P4HA2: variants seen among roughly 807,000 people sequenced by gnomAD.
P4HA2 encodes prolyl 4-hydroxylase subunit alpha 2, also known as prolyl 4-hydroxylase subunit alpha-2.
P4HA2 carries 46 observed loss-of-function variants against 76.9 expected under a neutral mutation model. The ratio of observed to expected loss-of-function variants is 0.60; its 90% CI spans 0.47 to 0.76. The LOEUF (loss-of-function observed/expected upper bound fraction) is 0.76. Ranked by LOEUF, P4HA2 falls within the 30% of genes least tolerant of loss-of-function variation. The pLI, the probability that P4HA2 is intolerant of heterozygous loss-of-function variation, is 0.00. For synonymous variants in P4HA2, 243 were observed against 254.0 expected (o/e 0.96, Z 0.41); for missense variants, 583 against 669.4 (o/e 0.87, Z 1.42).
intron 8 of P4HA2, 127 bp downstream of exon 8, chr5:132,207,581 C>A (rs1013909183): frequency 2.8e-6 from 2 of 716,072 alleles, no homozygotes; most frequent in Non-Finnish European, 4.7e-6. Flanking sequence ...TGTATCCCCA[C>A]GGTAGGCCCA....
chr5:132,220,330 C>T lies in P4HA2; in HGVS notation c.-18-1686G>A, dbSNP rs140033060. The stretch of plus-strand genomic sequence containing the variant: ...TGTTCCTCAAAAGGCTTGACTGGCT[C>T]AGGCTCAGCACCTTCTGTATGTATG... On this transcript the variant is annotated intron_variant, in intron 1 of 14. Transcript: ENST00000360568. Among the ~76,000 whole-genome samples the T allele has an allele frequency of 3.1e-3, 468 of 152,356 alleles. 1 individual carries two copies. The highest frequency in any genetic ancestry group is 0.01 in the African/African-American group (419 of 41,576).
At chr5:132,207,195 A>G (rs1752321960) in intron 8 of P4HA2, among the ~76,000 whole-genome samples, 1 of 152,240 alleles carries the variant, frequency 6.6e-6, no homozygotes, top group Admixed American at 6.5e-5. Context: ...TAACAAAGAA[A>G]CTACCAAGGA....
chr5:132,192,118 A>G lies in P4HA2; in HGVS notation c.*892T>C, dbSNP rs1749972542. 6.6e-6 allele frequency: 1 copy of G among 152,246 alleles called. No homozygotes were observed. The highest frequency in any genetic ancestry group is 1.5e-5 in the Non-Finnish European group (1 of 68,034). 9.4% of individuals were successfully genotyped at this position (152,246 alleles called of 1,614,324 possible). A position where few individuals can be genotyped will look rare whatever the true frequency, so the allele number is the denominator to read the frequency against. ...TAAAACTATAAAGACAAGCAAAGGAATGAGTACCACACATCATGAGACAAT... is the reference window on the plus strand; with the variant it reads ...TAAAACTATAAAGACAAGCAAAGGAGTGAGTACCACACATCATGAGACAAT... On this transcript the variant is annotated 3_prime_UTR_variant, in exon 15 of 15. Coordinates refer to ENST00000360568, the MANE Select transcript of P4HA2 (RefSeq NM_001017974.2).
chr5:132,208,350 GA>G, intron 7 of P4HA2, among the ~76,000 whole-genome samples: 1 of 107,680 alleles, frequency 9.3e-6, no homozygotes, highest in African/African-American at 3.6e-5. Context: ...AGGAAGAAAG[GA>G]AGGGAGGGAG....
intron 1 of P4HA2, among the ~76,000 whole-genome samples, chr5:132,224,309 T>C (rs1413490238): frequency 6.6e-6 from 1 of 152,246 alleles, no homozygotes; most frequent in Non-Finnish European, 1.5e-5. Context: ...AGTTTCCCCA[T>C]GTATATAATA....
At chr5:132,204,235 C>A in intron 8 of P4HA2, 83 bp from the exon 9 acceptor site, 7 of 1,072,370 alleles carry the variant, frequency 6.5e-6, no homozygotes, top group African/African-American at 1.5e-5. Context: ...GCACTGGGAC[C>A]AGATTTACTG....
chr5:132,195,353 T>C (rs1328868667), intron 13 of P4HA2, 59 bp downstream of exon 13: 5 of 1,260,170 alleles, frequency 4.0e-6, no homozygotes, highest in Non-Finnish European at 5.8e-6. Context: ...CTGGGGGACA[T>C]GGACAAAGTA....
At chr5:132,196,726 T>C (rs1023750006) in intron 12 of P4HA2, among the ~76,000 whole-genome samples, 5 of 152,008 alleles carry the variant, frequency 3.3e-5, no homozygotes, top group Non-Finnish European at 7.4e-5. Context: ...CTGGGCATGG[T>C]GGTGCACGCC....
intron 1 of P4HA2, among the ~76,000 whole-genome samples, chr5:132,223,626 A>G (rs1482167536): frequency 6.6e-6 from 1 of 152,220 alleles, no homozygotes; most frequent in Non-Finnish European, 1.5e-5. Flanking sequence ...TAAAGCATTA[A>G]GTACTTAAGC....
chr5:132,198,929 C>T lies in P4HA2; in HGVS notation c.1255G>A (p.Ala419Thr). The change falls in exon 11 of 15, where the codon GCA becomes ACA. Residue 419 changes from alanine to threonine, a missense_variant. Physicochemically the swap from Ala to Thr is moderately conservative, Grantham distance 58. Coordinates refer to ENST00000360568, the MANE Select transcript of P4HA2 (RefSeq NM_001017974.2). ...TACTGTCCTCCCACTCCATAATTTG[C>T]AACCTGTGGGAAATAACAGCATTAG... The part of the protein sequence containing the change: ...TVKTAELLQV[A>T]NYGVGGQYEP... The T allele has an allele frequency of 6.2e-7, 1 of 1,609,388 alleles. No individual in the cohort carries two copies. Among genetic ancestry groups the T allele is most frequent in the Non-Finnish European group, 8.5e-7 (1 of 1,175,666 alleles).
At chr5:132,216,466 T>C (rs1237102484) in intron 4 of P4HA2, among the ~76,000 whole-genome samples, 3 of 152,146 alleles carry the variant, frequency 2.0e-5, no homozygotes, top group African/African-American at 7.2e-5. Flanking sequence ...TCCAATGACT[T>C]GACCCATTTG....
chr5:132,225,671 G>A lies in P4HA2; in HGVS notation c.-19+2119C>T, dbSNP rs62384127. ...CGTCCCTCATTCTAGCCCCAGGCAC[G>A]CTCCAGTCAGAAGCCAAACAGGCAG... On this transcript the variant is annotated intron_variant, in intron 1 of 14. Coordinates refer to ENST00000360568, the MANE Select transcript of P4HA2 (RefSeq NM_001017974.2). 7.5e-3 allele frequency among the ~76,000 whole-genome samples: 1,149 copies of A among 152,302 alleles called. 8 individuals carry two copies. The highest frequency in any genetic ancestry group is 0.024 in the Middle Eastern group (7 of 294).
At chr5:132,199,022 G>C in intron 10 of P4HA2, 90 bp from the exon 11 acceptor site, 1 of 893,700 alleles carries the variant, frequency 1.1e-6, no homozygotes, top group South Asian at 1.4e-5. Flanking sequence ...TCCCAGGCCT[G>C]AAAACAACCA....
In P4HA2 at chr5:132,216,733, T is replaced by C. The variant is rs1222862595; in HGVS notation, c.331+464A>G. Reference sequence around the variant, plus strand: ...AGCCCACTTGACACTTGTAAATTCATTGTCCCTCCAAGCAACTGAGTTTGC... The same window carrying C: ...AGCCCACTTGACACTTGTAAATTCACTGTCCCTCCAAGCAACTGAGTTTGC... On this transcript the variant is annotated intron_variant, in intron 4 of 14. Transcript: ENST00000360568. Among the ~76,000 whole-genome samples the C allele has an allele frequency of 2.0e-5, 3 of 152,206 alleles. 1 individual carries two copies.
At chr5:132,217,172 C>G (rs1233363368) in intron 4 of P4HA2, 25 bp downstream of exon 4, 2 of 1,610,314 alleles carry the variant, frequency 1.2e-6, no homozygotes. Flanking sequence ...TGGGCTCACT[C>G]AAGCACCTGC....
chr5:132,194,213 T>C (rs755078322), intron 14 of P4HA2, among the ~76,000 whole-genome samples: 12 of 152,210 alleles, frequency 7.9e-5, no homozygotes, highest in Non-Finnish European at 1.8e-4. Flanking sequence ...AGCCATCTAG[T>C]AGATTATACT....
intron 1 of P4HA2, among the ~76,000 whole-genome samples, chr5:132,226,220 A>C (rs776835976): frequency 6.6e-6 from 1 of 152,188 alleles, no homozygotes; most frequent in Non-Finnish European, 1.5e-5. Context: ...AGCAGACCCC[A>C]AAAACATCCT....
At chr5:132,194,252 T>C (rs1022991135) in intron 14 of P4HA2, among the ~76,000 whole-genome samples, 1 of 152,208 alleles carries the variant, frequency 6.6e-6, no homozygotes, top group Non-Finnish European at 1.5e-5. Context: ...CAACTTTTTT[T>C]CCCCTGAATT....
intron 13 of P4HA2, 132 bp from the exon 14 acceptor site, chr5:132,195,154 G>A (rs1310725834): frequency 1.5e-6 from 1 of 676,780 alleles, no homozygotes; most frequent in African/African-American, 1.8e-5. Context: ...TAGGGCTCTG[G>A]GACTCCAGCA....
Sources: gnomAD v4.1 joint callset for allele counts (sites outside exome capture counted in the v4.1 genomes callset) on GRCh38, gnomAD v4.1.1 for gene constraint, MANE v1.5 for transcripts, NCBI Gene and HGNC (gene_info 2026-07-23, HGNC 2026-07-21) for gene names.